The following LMO7 variants were observed in gnomAD, a reference collection of about 807,000 sequenced individuals.
LMO7 encodes LIM domain only protein 7.
Under a neutral mutation model 206.5 loss-of-function variants are expected in LMO7, and 120 were observed. The ratio of observed to expected loss-of-function variants is 0.58; its 90% confidence interval spans 0.50 to 0.68. The LOEUF is 0.68. Among genes scored for constraint, LMO7 ranks in the 30% least tolerant of loss-of-function variants. LMO7 has a pLI of 0.00. For synonymous variants in LMO7, 706 were observed against 681.5 expected (o/e 1.04, Z -0.56); for missense variants, 1,959 against 1,957.9 (o/e 1.00, Z -0.01).
intron 1 of LMO7, among the ~76,000 whole-genome samples, chr13:75,687,531 C>T (rs1364011367): frequency 6.6e-6 from 1 of 151,878 alleles, no homozygotes; most frequent in Non-Finnish European, 1.5e-5. Flanking sequence ...TTTTTTTTCA[C>T]TCAAACTTTT....
chr13:75,664,617 A>G (rs192385696), intron 1 of LMO7, among the ~76,000 whole-genome samples: 2 of 152,320 alleles, frequency 1.3e-5, no homozygotes, highest in Non-Finnish European at 2.9e-5. Flanking sequence ...ACTGTTCTCC[A>G]TATTGGTTGT....
At chr13:75,767,768 A>G (rs1019549037) in intron 4 of LMO7, among the ~76,000 whole-genome samples, 2 of 152,114 alleles carry the variant, frequency 1.3e-5, no homozygotes, top group Admixed American at 6.6e-5. Flanking sequence ...GAACAGAATC[A>G]TCTTTGAAGA....
chr13:75,778,288 A>G (rs901892524), intron 4 of LMO7, among the ~76,000 whole-genome samples: 12 of 151,852 alleles, frequency 7.9e-5, no homozygotes, highest in Admixed American at 6.6e-4. Context: ...GCTGGAGTGC[A>G]GTGGTGCGAT....
rs1240937141 is a variant in LMO7 at position 75,626,595 on chromosome 13, A to ATTTTTTTTTTTTTTTTTTT, written c.225+3282_225+3283insTTTTTTTTTTTTTTTTTTT. ...ATATATATTATATATATATATATAA[A>ATTTTTTTTTTTTTTTTTTT]TTTTTTTGAGACAGGGTCTCACTCT... On this transcript the variant is annotated intron_variant, in intron 2 of 29. Transcript: ENST00000341547. 5.1e-4 allele frequency among the ~76,000 whole-genome samples: 36 copies of ATTTTTTTTTTTTTTTTTTT among 71,168 alleles called. 3 individuals carry two copies. The highest frequency in any genetic ancestry group is 2.4e-3 in the East Asian group (4 of 1,680). 46.7% of individuals were successfully genotyped at this position (71,168 alleles called of 152,430 possible).
intron 15 of LMO7, among the ~76,000 whole-genome samples, chr13:75,831,089 C>T (rs1274692472): frequency 1.3e-5 from 2 of 151,740 alleles, no homozygotes; most frequent in East Asian, 1.9e-4. Context: ...AGGAGTAGAA[C>T]CTACCAGTAG....
At chr13:75,724,187 A>C (rs1194884336) in intron 2 of LMO7, among the ~76,000 whole-genome samples, 3 of 152,130 alleles carry the variant, frequency 2.0e-5, no homozygotes, top group Non-Finnish European at 4.4e-5. Flanking sequence ...GAAGGAGAGA[A>C]ATTGCAGGCC....
At chr13:75,789,704 C>T (rs2052979866) in intron 4 of LMO7, among the ~76,000 whole-genome samples, 1 of 152,058 alleles carries the variant, frequency 6.6e-6, no homozygotes, top group Non-Finnish European at 1.5e-5. Flanking sequence ...CTAAACATAC[C>T]CTGGGGAAGG....
chr13:75,728,057 G>A (rs1257830705), intron 3 of LMO7, among the ~76,000 whole-genome samples: 17 of 151,934 alleles, frequency 1.1e-4, no homozygotes, highest in African/African-American at 2.4e-5. Flanking sequence ...CCAAGTCTTT[G>A]CTGTTGTGAA....
intron 3 of LMO7, among the ~76,000 whole-genome samples, chr13:75,752,154 CAG>C (rs1176259887): frequency 6.6e-6 from 1 of 151,788 alleles, no homozygotes; most frequent in African/African-American, 2.4e-5. Context: ...TTATTTTTGA[CAG>C]AGTCTCCCTC....
chr13:75,741,449 T>C (rs1310242249), intron 3 of LMO7, among the ~76,000 whole-genome samples: 1 of 152,218 alleles, frequency 6.6e-6, no homozygotes, highest in Non-Finnish European at 1.5e-5. Flanking sequence ...TCCTGGCCAT[T>C]GTCCTTGATG....
chr13:75,828,651 T>G (rs577596413), intron 15 of LMO7, among the ~76,000 whole-genome samples: 17 of 151,914 alleles, frequency 1.1e-4, no homozygotes, highest in Middle Eastern at 3.4e-3. Flanking sequence ...AAAAATGGAG[T>G]GTGATATAAT....
intron 2 of LMO7, chr13:75,623,433 G>C: frequency 1.6e-6 from 1 of 622,736 alleles, no homozygotes; most frequent in Non-Finnish European, 2.9e-6. Flanking sequence ...GTGCCATCTA[G>C]GGTCACTGCA....
At chr13:75,795,525 CTT>C (rs2053881483) in intron 5 of LMO7, 94 bp downstream of exon 5, 1 of 828,308 alleles carries the variant, frequency 1.2e-6, no homozygotes, top group South Asian at 1.7e-5. Context: ...CTCTACATCT[CTT>C]TTCTAATTAA....
intron 15 of LMO7, among the ~76,000 whole-genome samples, chr13:75,832,513 G>A (rs942224965): frequency 6.6e-6 from 1 of 152,124 alleles, no homozygotes; most frequent in African/African-American, 2.4e-5. Context: ...TGGCATTTGG[G>A]CAAGCAAAAA....
chr13:75,647,696 T>TA (rs76316523), intron 1 of LMO7, among the ~76,000 whole-genome samples: 45 of 150,890 alleles, frequency 3.0e-4, no homozygotes, highest in African/African-American at 7.3e-4. Flanking sequence ...TGTTTAGAAA[T>TA]AAAAAAAAAT....
At chr13:75,836,481 C>T (rs777349462) in intron 19 of LMO7, 24 bp downstream of exon 19, 5 of 1,188,298 alleles carry the variant, frequency 4.2e-6, no homozygotes, top group Non-Finnish European at 2.4e-6. Context: ...TTATAACTTA[C>T]ATTTATAATA....
At chr13:75,687,611 T>C (rs2041122462) in intron 1 of LMO7, among the ~76,000 whole-genome samples, 1 of 152,204 alleles carries the variant, frequency 6.6e-6, no homozygotes, top group South Asian at 2.1e-4. Context: ...TGTATTTTAT[T>C]TGCTTTTTTA....
At chr13:75,842,130 C>G (rs1163665054) in intron 24 of LMO7, 147 bp downstream of exon 24, 6 of 632,074 alleles carry the variant, frequency 9.5e-6, no homozygotes, top group Non-Finnish European at 1.4e-5. Context: ...ATCATAAACC[C>G]TGCCATGTCA....
rs78822953 is a variant in LMO7, at chr13:75,804,987, G to A, written c.914+446G>A. ...TGAAAGTGGTTCGGACTCTGAGGATGAACGAAGGTTTCCTGACATAGTTTT... is the reference window on the plus strand; with the variant it reads ...TGAAAGTGGTTCGGACTCTGAGGATAAACGAAGGTTTCCTGACATAGTTTT... On this transcript the variant is annotated intron_variant, in intron 8 of 30. Coordinates refer to ENST00000377534, the MANE Select transcript of LMO7 (RefSeq NM_001306080.2). 4,939 of 998,310 alleles carry A rather than the reference G, an allele frequency of 4.9e-3. 84 individuals are homozygous for A. In the African/African-American group the frequency reaches 0.055, roughly 11 times the overall value. 61.8% of individuals were successfully genotyped at this position (998,310 alleles called of 1,614,324 possible).
Sources: gnomAD v4.1 joint callset for allele counts (sites outside exome capture counted in the v4.1 genomes callset) on GRCh38, gnomAD v4.1.1 for gene constraint, MANE v1.5 for transcripts, NCBI Gene and HGNC (gene_info 2026-07-23, HGNC 2026-07-21) for gene names.